Variants in ADAM18 observed in about 807,000 individuals in gnomAD.
The protein encoded by ADAM18 is disintegrin and metalloproteinase domain-containing protein 18.
Under a neutral mutation model 94.4 loss-of-function variants are expected in ADAM18, and 117 were observed. The ratio of observed to expected loss-of-function variants is 1.24; its 90% confidence interval spans 1.07 to 1.45. The LOEUF is 1.45. Among genes scored for constraint, ADAM18 ranks in the 40% most tolerant of loss-of-function variants. The pLI, the probability that ADAM18 is intolerant of heterozygous loss-of-function variation, is 0.00. For missense variants in ADAM18, 936 were observed against 880.0 expected, an observed-to-expected ratio of 1.06 and a Z score of -0.81; for synonymous variants, 327 against 291.6, an observed-to-expected ratio of 1.12 and a Z score of -1.24.
chr8:39,613,148 T>G (rs7838225), intron 6 of ADAM18, among the ~76,000 whole-genome samples: 138,469 of 152,224 alleles, frequency 0.91, 63,162 homozygotes, highest in Middle Eastern at 0.98. Context: ...TACACCACTG[T>G]CCAGCCACTG....
chr8:39,705,397 G>A (rs1050576477), intron 17 of ADAM18, among the ~76,000 whole-genome samples: 2 of 152,052 alleles, frequency 1.3e-5, no homozygotes, highest in Non-Finnish European at 2.9e-5. Flanking sequence ...TTAAATAAAT[G>A]TAAATTAATT....
chr8:39,677,246 AT>A (rs1181288882), intron 14 of ADAM18, among the ~76,000 whole-genome samples, 184 bp from the exon 15 acceptor site: 4 of 152,158 alleles, frequency 2.6e-5, no homozygotes, highest in Non-Finnish European at 5.9e-5. Flanking sequence ...AGATATAATC[AT>A]TTTCTGTGTG....
intron 12 of ADAM18, among the ~76,000 whole-genome samples, chr8:39,651,491 A>G (rs1182601438): frequency 6.6e-6 from 1 of 152,202 alleles, no homozygotes; most frequent in Admixed American, 6.5e-5. Context: ...GTCTCTGGGT[A>G]CTTGAGATTA....
chr8:39,662,096 A>C (rs1374346274), intron 12 of ADAM18, among the ~76,000 whole-genome samples: 1 of 152,062 alleles, frequency 6.6e-6, no homozygotes, highest in Non-Finnish European at 1.5e-5. Flanking sequence ...ATTTATGCAC[A>C]AACTCACTGG....
chr8:39,587,343 T>G lies in ADAM18; in HGVS notation c.132+1991T>G, dbSNP rs563517951. Reference sequence around the variant, plus strand: ...TCTCTAGAACTTATTCATCTTTCATTACTGGAACTTTGTATTCATTGAGCA... The same window carrying G: ...TCTCTAGAACTTATTCATCTTTCATGACTGGAACTTTGTATTCATTGAGCA... On this transcript the variant is annotated intron_variant, in intron 2 of 19. Transcript: ENST00000265707. Among the ~76,000 whole-genome samples, 7 of 152,360 alleles carry G rather than the reference T, an allele frequency of 4.6e-5. No individual in the cohort carries two copies. In the South Asian group the frequency reaches 1.2e-3, roughly 27 times the overall value.
intron 16 of ADAM18, among the ~76,000 whole-genome samples, chr8:39,690,108 G>A (rs78305368): frequency 0.02 from 3,099 of 152,274 alleles, 104 homozygotes; most frequent in African/African-American, 0.071. Flanking sequence ...AAGCTTTTGC[G>A]CTGAGAGGAT....
At chr8:39,610,451 G>T in intron 5 of ADAM18, 78 bp from the exon 6 acceptor site, 1 of 1,427,226 alleles carries the variant, frequency 7.0e-7, no homozygotes, top group Non-Finnish European at 9.3e-7. Flanking sequence ...AATTTCTTAT[G>T]CCATTTCAGA....
At chr8:39,642,628 A>G (rs1820266811) in intron 10 of ADAM18, among the ~76,000 whole-genome samples, 1 of 152,008 alleles carries the variant, frequency 6.6e-6, no homozygotes, top group African/African-American at 2.4e-5. Context: ...CTGTTTTTCT[A>G]TCAGTACCAT....
chr8:39,592,082 A>G (rs1818584086), intron 2 of ADAM18, among the ~76,000 whole-genome samples: 1 of 152,214 alleles, frequency 6.6e-6, no homozygotes, highest in South Asian at 2.1e-4. Flanking sequence ...TAGTTATACT[A>G]TCATCCAGAC....
intron 12 of ADAM18, among the ~76,000 whole-genome samples, chr8:39,656,818 G>A (rs907951729): frequency 6.6e-6 from 1 of 152,102 alleles, no homozygotes; most frequent in Non-Finnish European, 1.5e-5. Context: ...TTTGTGAATC[G>A]ATGCTCAGCA....
intron 17 of ADAM18, among the ~76,000 whole-genome samples, chr8:39,705,855 G>T (rs1484439149): frequency 1.3e-5 from 2 of 152,090 alleles, no homozygotes; most frequent in Non-Finnish European, 2.9e-5. Flanking sequence ...AAATGTGCCT[G>T]TGATGTCTTT....
At chr8:39,709,721 A>C (rs1395099497) in intron 18 of ADAM18, among the ~76,000 whole-genome samples, 1 of 152,240 alleles carries the variant, frequency 6.6e-6, no homozygotes, top group Non-Finnish European at 1.5e-5. Context: ...AGGTTTGGTG[A>C]TGTGAGTCTT....
chr8:39,629,447 T>C lies in ADAM18; in HGVS notation c.588+8T>C. ...ATAGTGGAAAAAGCTTTGGTAAGTA[T>C]GCTTTCAAGAGGTCTTTCAAGAAGG... On this transcript the variant is annotated splice_region_variant and intron_variant, in intron 7 of 19. Coordinates refer to ENST00000265707, the MANE Select transcript of ADAM18 (RefSeq NM_014237.3). 6.4e-7 allele frequency: 1 copy of C among 1,557,554 alleles called. No individual in the cohort carries two copies.
chr8:39,627,306 C>G (rs1461611099), intron 6 of ADAM18, among the ~76,000 whole-genome samples: 1 of 151,996 alleles, frequency 6.6e-6, no homozygotes, highest in Non-Finnish European at 1.5e-5. Context: ...GGCAAGAGAG[C>G]TTGGGCAAGG....
chr8:39,712,414 T>C (rs1822438307), intron 18 of ADAM18, among the ~76,000 whole-genome samples: 1 of 152,170 alleles, frequency 6.6e-6, no homozygotes. Flanking sequence ...ACCACTCCTA[T>C]TCAACATAGT....
chr8:39,584,674 G>C lies in ADAM18; in HGVS notation c.52G>C (p.Glu18Gln), dbSNP rs375555480. Residue 18 changes from glutamate (E) to glutamine (Q), a missense_variant, in exon 1 of 20, where the codon GAA becomes CAA. Transcript: ENST00000265707. ...TGAGCTTGGAAGACTGCAAGCCCAC[G>C]AAGGTAAGTCCATGGGAGCCTCCCC... ...LTELGRLQAH[E>Q]GSEGIFLHVT... is the part of the protein sequence containing the mutation. 2.3e-5 allele frequency: 37 copies of C among 1,613,142 alleles called. No homozygotes were observed. The African/African-American group carries it at 3.7e-4, about 16-fold the overall frequency.
chr8:39,640,191 A>G (rs1267236729), intron 10 of ADAM18, among the ~76,000 whole-genome samples: 2 of 151,406 alleles, frequency 1.3e-5, no homozygotes, highest in Admixed American at 6.6e-5. Flanking sequence ...CACTCCTCCA[A>G]CCTCCAACAG....
At chr8:39,590,148 TGGCATTATTCACA>T (rs1818528867) in intron 2 of ADAM18, among the ~76,000 whole-genome samples, 1 of 151,668 alleles carries the variant, frequency 6.6e-6, no homozygotes, top group African/African-American at 2.4e-5. Flanking sequence ...ATGTTTATTG[TGGCATTATTCACA>T]ATAGCAAAGA....
chr8:39,723,763 A>G lies in ADAM18; in HGVS notation c.2033A>G (p.Glu678Gly). 1 of 1,518,806 alleles carries G rather than the reference A, an allele frequency of 6.6e-7. No homozygotes were observed. The highest frequency in any genetic ancestry group is 1.4e-5 in the South Asian group (1 of 71,148). The allele number at this position is 1,518,806 out of a possible 1,614,324, so 94.1% of individuals were successfully genotyped here. A position where few individuals can be genotyped will look rare whatever the true frequency, so the allele number is the denominator to read the frequency against. The change falls in exon 19 of 20, where the codon GAA becomes GGA. Residue 678 changes from glutamate to glycine, a missense_variant. Coordinates refer to ENST00000265707, the MANE Select transcript of ADAM18 (RefSeq NM_014237.3). ...NFQKSGDFYT[E>G]KGYNTHWNNW... ...TCATTTCTAGGTGACTTTTATACTG[A>G]AAAAGGCTACAATACACACTGGAAC...
Sources: allele counts gnomAD v4.1 joint callset (sites outside exome capture counted in the v4.1 genomes callset), GRCh38; gene constraint gnomAD v4.1.1; transcripts MANE v1.5; gene names NCBI Gene and HGNC (gene_info 2026-07-23, HGNC 2026-07-21).